KCNK9: variants seen among roughly 807,000 people sequenced by gnomAD.
KCNK9 encodes potassium channel subfamily K member 9.
A neutral mutation model predicts 10.8 loss-of-function variants in KCNK9; 1 was observed. The observed-to-expected ratio is 0.09, with a 90% CI of 0.03 to 0.44. The LOEUF (loss-of-function observed/expected upper bound fraction) is 0.44. Ranked by LOEUF, KCNK9 falls within the 20% of genes least tolerant of loss-of-function variation. The pLI is 0.97. For synonymous variants in KCNK9, 231 were observed against 222.7 expected, an observed-to-expected ratio of 1.04 and a Z score of -0.33; for missense variants, 303 against 515.0, an observed-to-expected ratio of 0.59 and a Z score of 3.98.
chr8:139,637,760 TACACACACACAC>T (rs34018499), intron 1 of KCNK9, among the ~76,000 whole-genome samples: 3 of 146,096 alleles, frequency 2.1e-5, no homozygotes, highest in Admixed American at 6.9e-5. Flanking sequence ...ATTCCTACTC[TACACACACACAC>T]ACACACACAC....
At chr8:139,608,869 G>A (rs1814322945), downstream of KCNK9, among the ~76,000 whole-genome samples, 1 of 152,208 alleles carries the variant, frequency 6.6e-6, no homozygotes, top group African/African-American at 2.4e-5. Context: ...TTTTGTCTGT[G>A]GTGCTGAGCC....
At chr8:139,669,616 A>G (rs892163185) in intron 1 of KCNK9, among the ~76,000 whole-genome samples, 5 of 152,148 alleles carry the variant, frequency 3.3e-5, no homozygotes, top group African/African-American at 1.2e-4. Context: ...TTCTCTTGCT[A>G]TTTCCACCAC....
chr8:139,678,195 G>C (rs55885230), intron 1 of KCNK9, among the ~76,000 whole-genome samples: 6,188 of 152,328 alleles, frequency 0.041, 442 homozygotes, highest in African/African-American at 0.14. Context: ...TCCTTGGAAG[G>C]CACTGGAATC....
chr8:139,678,194 G>C (rs977236001), intron 1 of KCNK9, among the ~76,000 whole-genome samples: 4 of 152,232 alleles, frequency 2.6e-5, no homozygotes, highest in Non-Finnish European at 5.9e-5. Context: ...CTCCTTGGAA[G>C]GCACTGGAAT....
chr8:139,636,278 A>G (rs1005988283), intron 1 of KCNK9, among the ~76,000 whole-genome samples: 3 of 152,244 alleles, frequency 2.0e-5, no homozygotes, highest in African/African-American at 7.2e-5. Flanking sequence ...CAGTTCACGC[A>G]GTTCTCAAGT....
rs970654172 is a variant in KCNK9 at position 139,668,442 on chromosome 8, A to G, written c.283+34268T>C. On this transcript the variant is annotated intron_variant, in intron 1 of 1. Coordinates refer to ENST00000520439, the MANE Select transcript of KCNK9 (RefSeq NM_001282534.2). ...CAATACTTTTTTTTTTTTTTTTGAG[A>G]TGGAGTTTCGCTCTTGTTGCCCAGG... is the stretch of plus-strand genomic sequence containing the variant. 1.1e-3 allele frequency among the ~76,000 whole-genome samples: 151 copies of G among 138,468 alleles called. 1 individual carries two copies. The highest frequency in any genetic ancestry group is 3.9e-3 in the African/African-American group (145 of 36,820). The allele number at this position is 138,468 out of a possible 152,430, so 90.8% of individuals were successfully genotyped here. A position where few individuals can be genotyped will look rare whatever the true frequency, so the allele number is the denominator to read the frequency against.
rs532361300 is a variant in KCNK9, at chr8:139,657,686, C to G, written c.284-38587G>C. 2.0e-4 allele frequency among the ~76,000 whole-genome samples: 31 copies of G among 152,310 alleles called. No homozygotes were observed. In the East Asian group the frequency reaches 5.6e-3, roughly 28 times the overall value. On this transcript the variant is annotated intron_variant, in intron 1 of 1. Coordinates refer to ENST00000520439, the MANE Select transcript of KCNK9 (RefSeq NM_001282534.2). ...GCGTTGACTGGGACACTCCCTTTCC[C>G]CATATGCAGAATGGAGATCATTGCT...
chr8:139,635,147 G>GTAGC (rs745624435), intron 1 of KCNK9, among the ~76,000 whole-genome samples: 11 of 152,246 alleles, frequency 7.2e-5, no homozygotes, highest in Non-Finnish European at 1.2e-4. Context: ...CTGGTACATA[G>GTAGC]TAGCTCCACA....
intron 1 of KCNK9, among the ~76,000 whole-genome samples, chr8:139,665,596 C>T (rs1400486480): frequency 6.6e-6 from 1 of 152,216 alleles, no homozygotes; most frequent in Non-Finnish European, 1.5e-5. Context: ...CTACCTTGCC[C>T]TGGCTCTGTG....
chr8:139,634,692 A>T (rs1161251905), intron 1 of KCNK9, among the ~76,000 whole-genome samples: 2 of 152,102 alleles, frequency 1.3e-5, no homozygotes, highest in African/African-American at 2.4e-5. Context: ...CTTAGTAGGT[A>T]ACCGTTCCCC....
intron 1 of KCNK9, among the ~76,000 whole-genome samples, chr8:139,648,629 G>C (rs919091005): frequency 3.9e-5 from 6 of 152,228 alleles, no homozygotes; most frequent in African/African-American, 1.4e-4. Context: ...CCGTCACTGA[G>C]CAGCTGTGTC....
intron 1 of KCNK9, among the ~76,000 whole-genome samples, chr8:139,675,383 C>T (rs892086644): frequency 6.6e-6 from 1 of 152,162 alleles, no homozygotes; most frequent in Non-Finnish European, 1.5e-5. Flanking sequence ...ATTTTAATCC[C>T]AATGTGACAG....
chr8:139,652,806 A>T (rs1310423815), intron 1 of KCNK9, among the ~76,000 whole-genome samples: 1 of 152,116 alleles, frequency 6.6e-6, no homozygotes, highest in Non-Finnish European at 1.5e-5. Flanking sequence ...CATGTGGCAC[A>T]CTCTGGGTGC....
chr8:139,640,617 G>C (rs1462309648), intron 1 of KCNK9, among the ~76,000 whole-genome samples: 1 of 152,156 alleles, frequency 6.6e-6, no homozygotes. Flanking sequence ...CAGGGCCTGT[G>C]CAACCTATAA....
intron 1 of KCNK9, among the ~76,000 whole-genome samples, chr8:139,666,739 G>A (rs1472559118): frequency 6.6e-6 from 1 of 152,276 alleles, no homozygotes; most frequent in Admixed American, 6.5e-5. Flanking sequence ...ATGTCTAGCT[G>A]TATCCGCTAG....
intron 1 of KCNK9, among the ~76,000 whole-genome samples, chr8:139,695,285 C>A (rs1451344019): frequency 1.3e-5 from 2 of 151,852 alleles, no homozygotes; most frequent in Non-Finnish European, 2.9e-5. Flanking sequence ...ATTGTGTAGA[C>A]AAGGGGAGGT....
chr8:139,674,969 GAC>G (rs986005479), intron 1 of KCNK9, among the ~76,000 whole-genome samples: 43 of 152,132 alleles, frequency 2.8e-4, no homozygotes, highest in African/African-American at 1.0e-3. Flanking sequence ...ACTGACAAGA[GAC>G]ACAGTTCCGA....
chr8:139,613,719 T>G (rs971745411), downstream of KCNK9, among the ~76,000 whole-genome samples: 1 of 152,198 alleles, frequency 6.6e-6, no homozygotes, highest in Non-Finnish European at 1.5e-5. Flanking sequence ...AGGAGCTCAG[T>G]GGAGCACAGC....
Position 139,667,064 on chromosome 8 carries a change from A to G in KCNK9, c.283+35646T>C, listed in dbSNP as rs561063312. On this transcript the variant is annotated intron_variant, in intron 1 of 1. Transcript: ENST00000520439. ...ACAGGGCTCCCACAGGGCTTGGTGCAGACCAGACAGCCCAAGGGGAACATT... is the reference window on the plus strand; with the variant it reads ...ACAGGGCTCCCACAGGGCTTGGTGCGGACCAGACAGCCCAAGGGGAACATT... Among the ~76,000 whole-genome samples the G allele has an allele frequency of 5.3e-5, 8 of 152,358 alleles. No individual in the cohort carries two copies. In the South Asian group the frequency reaches 1.7e-3, roughly 32 times the overall value.
Sources: gnomAD v4.1 joint callset for allele counts (sites outside exome capture counted in the v4.1 genomes callset) on GRCh38, gnomAD v4.1.1 for gene constraint, MANE v1.5 for transcripts, NCBI Gene and HGNC (gene_info 2026-07-23, HGNC 2026-07-21) for gene names.